Variants in TMEM123 observed in about 807,000 individuals in gnomAD.
TMEM123 encodes porimin.
In TMEM123, 16 loss-of-function variants were observed where a neutral mutation model predicts 19.7. That is an observed-to-expected ratio of 0.81 (90% CI 0.55 to 1.23). The LOEUF (loss-of-function observed/expected upper bound fraction) is 1.23. Among genes scored for constraint, TMEM123 ranks in the 50% most tolerant of loss-of-function variants. The pLI, the probability that TMEM123 is intolerant of heterozygous loss-of-function variation, is 0.00. For synonymous variants in TMEM123, 118 were observed against 99.4 expected (o/e 1.19, Z -1.12); for missense variants, 313 against 257.8 (o/e 1.21, Z -1.47).
intron 2 of TMEM123, among the ~76,000 whole-genome samples, chr11:102,428,607 C>T (rs2135856325): frequency 6.6e-6 from 1 of 151,254 alleles, no homozygotes; most frequent in Middle Eastern, 3.4e-3. Flanking sequence ...GTGCCCGGCC[C>T]CCCCAAAAAA....
rs1951881742 is a variant in TMEM123, at chr11:102,398,663, AT to A, written c.*203del. ...GCTAAAACCATTGTATGAACGGTCT[AT>A]AAGGATCCAGATGTTTATTTCAAAA... On this transcript the variant is annotated 3_prime_UTR_variant, in exon 5 of 5. Transcript: ENST00000398136. 4.6e-6 allele frequency: 2 copies of A among 435,310 alleles called. No homozygotes were observed. The highest frequency in any genetic ancestry group is 1.0e-4 in the African/African-American group (1 of 9,878). The allele number at this position is 435,310 out of a possible 1,614,324, so 27.0% of individuals were successfully genotyped here. A position where few individuals can be genotyped will look rare whatever the true frequency, so the allele number is the denominator to read the frequency against.
At chr11:102,402,349 T>C in intron 2 of TMEM123, 143 bp from the exon 3 acceptor site, 1 of 798,698 alleles carries the variant, frequency 1.3e-6, no homozygotes, top group Non-Finnish European at 1.9e-6. Flanking sequence ...CATTAATACT[T>C]TGCACTATAC....
rs762259196 is a variant in TMEM123 at position 102,415,264 on chromosome 11, TAGAC to T, written c.158-13062_158-13059del. ...GACTTCAAAACCCCACTGACAGTAT[TAGAC>T]AGATCACTGAAGCAGAAAACTAACA... On this transcript the variant is annotated intron_variant, in intron 2 of 4. Transcript: ENST00000398136. Among the ~76,000 whole-genome samples, 9 of 152,288 alleles carry T rather than the reference TAGAC, an allele frequency of 5.9e-5. No homozygotes were observed. In the South Asian group the frequency reaches 6.2e-4, roughly 11 times the overall value.
chr11:102,432,119 T>C (rs1400294259), intron 2 of TMEM123, among the ~76,000 whole-genome samples: 3 of 152,172 alleles, frequency 2.0e-5, no homozygotes, highest in Non-Finnish European at 4.4e-5. Context: ...ACTCTAAGGA[T>C]AGCTGAAAAT....
chr11:102,409,501 G>C (rs998384793), intron 2 of TMEM123, among the ~76,000 whole-genome samples: 1 of 151,646 alleles, frequency 6.6e-6, no homozygotes, highest in Non-Finnish European at 1.5e-5. Flanking sequence ...ACATTCTTCT[G>C]AATTCAAATT....
At chr11:102,419,067 T>A (rs1050448696) in intron 2 of TMEM123, among the ~76,000 whole-genome samples, 11 of 152,132 alleles carry the variant, frequency 7.2e-5, no homozygotes, top group Non-Finnish European at 1.3e-4. Flanking sequence ...AGTACTACGC[T>A]CATTACCTGC....
In TMEM123 at chr11:102,452,677, G is replaced by A. The variant is rs1857957839; in HGVS notation, c.-54C>T. On this transcript the variant is annotated 5_prime_UTR_variant, in exon 1 of 5. Transcript: ENST00000398136. ...GTGGGCTCCCAGCCGAGGTGGCGGC[G>A]GCGAGAGCGGCTCCTCTGCGCAGCC... 3.0e-6 allele frequency: 4 copies of A among 1,337,216 alleles called. No homozygotes were observed. Among genetic ancestry groups the A allele is most frequent in the South Asian group, 1.6e-5 (1 of 62,060 alleles). 82.8% of individuals were successfully genotyped at this position (1,337,216 alleles called of 1,614,324 possible).
intron 1 of TMEM123, chr11:102,449,181 G>A: frequency 3.5e-6 from 1 of 286,014 alleles, no homozygotes; most frequent in Non-Finnish European, 7.0e-6. Context: ...GGGGACAGAT[G>A]GGCCAATTTC....
At chr11:102,399,852 C>T (rs1462554581) in intron 4 of TMEM123, among the ~76,000 whole-genome samples, 1 of 152,008 alleles carries the variant, frequency 6.6e-6, no homozygotes. Context: ...CACCTATAAT[C>T]CCAGCTACTG....
chr11:102,410,669 T>C (rs2135847171), intron 2 of TMEM123, among the ~76,000 whole-genome samples: 1 of 152,266 alleles, frequency 6.6e-6, no homozygotes, highest in East Asian at 1.9e-4. Context: ...ATCACACCCC[T>C]GTTAGGCTGA....
intron 2 of TMEM123, among the ~76,000 whole-genome samples, chr11:102,402,450 A>AG (rs1468046873): frequency 1.3e-5 from 2 of 151,126 alleles, no homozygotes; most frequent in East Asian, 3.9e-4. Context: ...GATATGAAGA[A>AG]AAAAAAAAAC....
intron 2 of TMEM123, among the ~76,000 whole-genome samples, chr11:102,422,043 C>A (rs995770994): frequency 2.0e-5 from 3 of 152,304 alleles, no homozygotes; most frequent in Non-Finnish European, 2.9e-5. Context: ...AAAAATCTAC[C>A]TGAATTCTAG....
chr11:102,440,458 T>G (rs1857813326), intron 2 of TMEM123, among the ~76,000 whole-genome samples: 2 of 152,286 alleles, frequency 1.3e-5, no homozygotes, highest in Middle Eastern at 3.4e-3. Flanking sequence ...CTAAGTTTCA[T>G]AAGTGAAGGA....
At chr11:102,429,597 T>C (rs1314673438) in intron 2 of TMEM123, among the ~76,000 whole-genome samples, 1 of 152,246 alleles carries the variant, frequency 6.6e-6, no homozygotes, top group Non-Finnish European at 1.5e-5. Context: ...CCTGTGTGTG[T>C]GCTGCAATGT....
intron 2 of TMEM123, chr11:102,448,345 G>C: frequency 2.2e-6 from 1 of 453,018 alleles, no homozygotes; most frequent in Non-Finnish European, 4.4e-6. Context: ...CACAGGGTAA[G>C]GGCCTCACCA....
intron 2 of TMEM123, among the ~76,000 whole-genome samples, chr11:102,402,905 ACAACT>A (rs1448887921): frequency 2.6e-5 from 4 of 152,374 alleles, no homozygotes; most frequent in African/African-American, 9.6e-5. Flanking sequence ...TTTAAAATAC[ACAACT>A]CAAACAATAC....
chr11:102,414,442 CAGAG>C (rs942197217), intron 2 of TMEM123, among the ~76,000 whole-genome samples: 7 of 152,122 alleles, frequency 4.6e-5, no homozygotes, highest in Non-Finnish European at 7.4e-5. Flanking sequence ...ATACTAAAGA[CAGAG>C]AGAAGGGGCA....
At chr11:102,429,942 TGCGATGGGA>T (rs1258267549) in intron 2 of TMEM123, among the ~76,000 whole-genome samples, 1 of 152,202 alleles carries the variant, frequency 6.6e-6, no homozygotes, top group African/African-American at 2.4e-5. Context: ...AAGCAGCCTG[TGCGATGGGA>T]GCACCACACA....
intron 2 of TMEM123, among the ~76,000 whole-genome samples, chr11:102,407,748 G>C (rs966640471): frequency 3.3e-5 from 5 of 152,018 alleles, no homozygotes; most frequent in African/African-American, 1.2e-4. Context: ...CCAGAGGAGA[G>C]GCATGGAACA....
Sources: gnomAD v4.1 joint callset for allele counts (sites outside exome capture counted in the v4.1 genomes callset) on GRCh38, gnomAD v4.1.1 for gene constraint, MANE v1.5 for transcripts, NCBI Gene and HGNC (gene_info 2026-07-23, HGNC 2026-07-21) for gene names.